ETFA: variants seen among roughly 807,000 people sequenced by gnomAD.
ETFA encodes the protein electron transfer flavoprotein subunit alpha.
In ETFA, 22 loss-of-function variants were observed where a neutral mutation model predicts 46.2. That is an observed-to-expected ratio of 0.48 (90% CI 0.34 to 0.68). The LOEUF is 0.68. Among genes scored for constraint, ETFA ranks in the 30% least tolerant of loss-of-function variants. The pLI, the probability that ETFA is intolerant of heterozygous loss-of-function variation, is 0.01. For missense variants in ETFA, 345 were observed against 401.1 expected (o/e 0.86, Z 1.19); for synonymous variants, 131 against 139.9 (o/e 0.94, Z 0.45).
intron 9 of ETFA, among the ~76,000 whole-genome samples, chr15:76,252,897 CTTTTTTTT>C (rs11303378): frequency 7.7e-6 from 1 of 129,946 alleles, no homozygotes; most frequent in Non-Finnish European, 1.6e-5. Context: ...ACACAGAGTA[CTTTTTTTT>C]TTTTTTTTTT....
intron 1 of ETFA, among the ~76,000 whole-genome samples, chr15:76,309,054 G>A (rs895741358): frequency 6.6e-6 from 1 of 152,170 alleles, no homozygotes; most frequent in South Asian, 2.1e-4. Context: ...GTTAAATACA[G>A]GTATATGTCC....
chr15:76,261,524 G>T, intron 9 of ETFA: 1 of 674,786 alleles, frequency 1.5e-6, no homozygotes, highest in Non-Finnish European at 2.6e-6. Flanking sequence ...TTTACCAGCT[G>T]CCCCTGGGAC....
At chr15:76,304,661 C>CA (rs796277864) in intron 1 of ETFA, among the ~76,000 whole-genome samples, 2,415 of 86,970 alleles carry the variant, frequency 0.028, 36 homozygotes, top group Middle Eastern at 0.1. Context: ...GACTCTATTT[C>CA]AAAAAAAAAA....
intron 9 of ETFA, among the ~76,000 whole-genome samples, chr15:76,264,572 A>G (rs2039451456): frequency 6.6e-6 from 1 of 152,236 alleles, no homozygotes; most frequent in Non-Finnish European, 1.5e-5. Context: ...CTGTGGCTGT[A>G]TATAAAGCCA....
At chr15:76,263,681 C>T (rs909662055) in intron 9 of ETFA, among the ~76,000 whole-genome samples, 1 of 151,984 alleles carries the variant, frequency 6.6e-6, no homozygotes, top group Non-Finnish European at 1.5e-5. Flanking sequence ...AAAGACAGAG[C>T]AAAAATTCCA....
chr15:76,295,936 C>CTTTTTTTTTTTTTTTTTTT lies in ETFA; in HGVS notation c.40-218_40-200dup, dbSNP rs1157687784. Among the ~76,000 whole-genome samples the CTTTTTTTTTTTTTTTTTTT allele has an allele frequency of 2.9e-3, 134 of 46,596 alleles. 42 individuals carry two copies. Among genetic ancestry groups the CTTTTTTTTTTTTTTTTTTT allele is most frequent in the Admixed American group, 4.4e-3 (11 of 2,472 alleles). The allele number at this position is 46,596 out of a possible 152,430, so 30.6% of individuals were successfully genotyped here. A position where few individuals can be genotyped will look rare whatever the true frequency, so the allele number is the denominator to read the frequency against. On this transcript the variant is annotated intron_variant, in intron 1 of 11. Coordinates refer to ENST00000557943, the MANE Select transcript of ETFA (RefSeq NM_000126.4). ...TGTCTATCACTGTACCACTAATATTCTTTTTTTTTTTTTTTTTTTTTTTGA... is the reference window on the plus strand; with the variant it reads ...TGTCTATCACTGTACCACTAATATTCTTTTTTTTTTTTTTTTTTTTTTTTTTTTTTTTTTTTTTTTTTGA...
At chr15:76,272,821 T>TATATATATATATAC (rs1351600553) in intron 9 of ETFA, among the ~76,000 whole-genome samples, 1 of 148,628 alleles carries the variant, frequency 6.7e-6, no homozygotes, top group Non-Finnish European at 1.5e-5. Context: ...TACATATATA[T>TATATATATATATAC]ATATATATAT....
intron 8 of ETFA, among the ~76,000 whole-genome samples, chr15:76,279,757 A>G (rs571074631): frequency 6.6e-6 from 1 of 151,300 alleles, no homozygotes; most frequent in South Asian, 2.1e-4. Flanking sequence ...TCAATGAAAC[A>G]CTCCACTTGG....
At chr15:76,233,840 G>A (rs1307054420) in intron 9 of ETFA, among the ~76,000 whole-genome samples, 1 of 152,222 alleles carries the variant, frequency 6.6e-6, no homozygotes, top group Admixed American at 6.5e-5. Flanking sequence ...GAAAAGACCA[G>A]TAGTCCTGTA....
chr15:76,296,965 C>T (rs1175649818), intron 1 of ETFA, among the ~76,000 whole-genome samples: 4 of 152,006 alleles, frequency 2.6e-5, no homozygotes, highest in South Asian at 2.1e-4. Flanking sequence ...AGGAATGGCA[C>T]CATAGGCATA....
intron 9 of ETFA, among the ~76,000 whole-genome samples, chr15:76,232,069 C>G (rs2039073750): frequency 6.6e-6 from 1 of 152,028 alleles, no homozygotes; most frequent in Non-Finnish European, 1.5e-5. Context: ...TGGGCTGAAC[C>G]TTTGTGTTTC....
chr15:76,277,802 C>T (rs2469538), intron 8 of ETFA, among the ~76,000 whole-genome samples: 20,502 of 152,148 alleles, frequency 0.13, 1,646 homozygotes, highest in African/African-American at 0.22. Context: ...CGTGCCCTGC[C>T]CACCTGGAGT....
intron 9 of ETFA, among the ~76,000 whole-genome samples, chr15:76,268,876 A>G (rs973027125): frequency 6.6e-6 from 1 of 152,172 alleles, no homozygotes; most frequent in African/African-American, 2.4e-5. Flanking sequence ...GACCTTTTGG[A>G]TTCAAAGTTG....
chr15:76,276,185 T>G (rs2039589696), intron 8 of ETFA, among the ~76,000 whole-genome samples: 1 of 152,154 alleles, frequency 6.6e-6, no homozygotes, highest in Non-Finnish European at 1.5e-5. Flanking sequence ...AAGTCTTTAT[T>G]TCTCTTCCAT....
At chr15:76,223,010 T>C (rs1045371074) in intron 11 of ETFA, among the ~76,000 whole-genome samples, 5 of 151,926 alleles carry the variant, frequency 3.3e-5, no homozygotes, top group African/African-American at 1.2e-4. Context: ...AATTTTTGTA[T>C]TTTTTGTAGA....
chr15:76,225,810 C>T (rs763447772), intron 11 of ETFA, 39 bp downstream of exon 11: 3 of 1,206,444 alleles, frequency 2.5e-6, no homozygotes, highest in South Asian at 2.4e-5. Flanking sequence ...TCTCGGATGA[C>T]AATCTAGATA....
At chr15:76,216,662 G>GT in intron 11 of ETFA, 65 bp from the exon 12 acceptor site, 1 of 1,063,318 alleles carries the variant, frequency 9.4e-7, no homozygotes, top group Non-Finnish European at 1.5e-6. Context: ...TCACAGCTCC[G>GT]TAAGCATTAC....
chr15:76,286,953 G>C (rs984568066), intron 5 of ETFA, among the ~76,000 whole-genome samples: 1 of 152,178 alleles, frequency 6.6e-6, no homozygotes, highest in African/African-American at 2.4e-5. Context: ...AGACACTCTG[G>C]ATTAGCTATC....
chr15:76,271,585 C>CTT (rs2039531582), intron 9 of ETFA, among the ~76,000 whole-genome samples: 5 of 152,140 alleles, frequency 3.3e-5, no homozygotes, highest in Admixed American at 3.3e-4. Context: ...TATCCTTTTG[C>CTT]TATAAAGGAC....
Sources: allele counts gnomAD v4.1 joint callset (sites outside exome capture counted in the v4.1 genomes callset), GRCh38; gene constraint gnomAD v4.1.1; transcripts MANE v1.5; gene names NCBI Gene and HGNC (gene_info 2026-07-23, HGNC 2026-07-21).